The following WDR27 variants were observed in gnomAD, a reference collection of about 807,000 sequenced individuals.
The protein encoded by WDR27 is WD repeat domain 27, also known as WD repeat-containing protein 27.
WDR27 carries 100 observed loss-of-function variants against 114.4 expected under a neutral mutation model. The observed-to-expected ratio is 0.87, with a 90% CI of 0.74 to 1.03. WDR27 has a LOEUF of 1.03. WDR27 is among the 50% of genes least tolerant of loss of function. WDR27 has a pLI of 0.00. For synonymous variants in WDR27, 449 were observed against 423.1 expected, an observed-to-expected ratio of 1.06 and a Z score of -0.75; for missense variants, 1,129 against 1,092.9, an observed-to-expected ratio of 1.03 and a Z score of -0.47.
chr6:169,539,964 A>G (rs1348347720), intron 25 of WDR27, among the ~76,000 whole-genome samples: 1 of 152,128 alleles, frequency 6.6e-6, no homozygotes, highest in Admixed American at 6.5e-5. Flanking sequence ...ACCCACCTTC[A>G]CTTCTCACAT....
At chr6:169,641,218 G>A (rs569073444) in intron 17 of WDR27, among the ~76,000 whole-genome samples, 15 of 152,342 alleles carry the variant, frequency 9.8e-5, no homozygotes, top group Admixed American at 8.5e-4. Context: ...CTTGCCAAAG[G>A]TGGGATCCCC....
intron 4 of WDR27, chr6:169,669,664 T>C (rs551157800): frequency 1.3e-5 from 2 of 152,242 alleles, no homozygotes; most frequent in East Asian, 3.9e-4. Flanking sequence ...CACCAACATA[T>C]CCAGAAAGCT....
intron 25 of WDR27, among the ~76,000 whole-genome samples, chr6:169,526,137 TAGA>T (rs1487806670): frequency 1.3e-5 from 2 of 152,150 alleles, no homozygotes; most frequent in African/African-American, 2.4e-5. Flanking sequence ...TACCACTGGA[TAGA>T]AGAACTAAGA....
intron 21 of WDR27, among the ~76,000 whole-genome samples, chr6:169,622,669 A>G (rs1390775759): frequency 6.6e-6 from 1 of 152,244 alleles, no homozygotes; most frequent in Non-Finnish European, 1.5e-5. Flanking sequence ...AGCTATAAAA[A>G]CAGGAAACTT....
At position 169,651,187 on chromosome 6, in the gene WDR27, G is replaced by C. The variant is rs1435188131; in HGVS notation, c.1481+743C>G. Among the ~76,000 whole-genome samples, 39 of 109,360 alleles carry C rather than the reference G, an allele frequency of 3.6e-4. 10 individuals are homozygous for C. The East Asian group carries it at 0.014, about 41-fold the overall frequency. 71.7% of individuals were successfully genotyped at this position (109,360 alleles called of 152,430 possible). A position where few individuals can be genotyped will look rare whatever the true frequency, so the allele number is the denominator to read the frequency against. The stretch of plus-strand genomic sequence containing the variant: ...CTGGAGCACAGCAGTGCGGGGCGGG[G>C]GGGGGGAGTGGGGGAGTGGGGGAGT... On this transcript the variant is annotated intron_variant, in intron 14 of 25. Coordinates refer to ENST00000448612, the MANE Select transcript of WDR27 (RefSeq NM_182552.5).
chr6:169,536,655 T>C (rs909177636), intron 25 of WDR27, among the ~76,000 whole-genome samples: 1 of 152,196 alleles, frequency 6.6e-6, no homozygotes, highest in African/African-American at 2.4e-5. Flanking sequence ...AGAAGTTTTC[T>C]AGGCTCTGGG....
chr6:169,590,125 A>G (rs1805452682), intron 23 of WDR27, among the ~76,000 whole-genome samples: 1 of 152,246 alleles, frequency 6.6e-6, no homozygotes, highest in African/African-American at 2.4e-5. Context: ...CCGATTCATT[A>G]CAACTATTTT....
At chr6:169,523,196 C>T (rs77627156) in intron 25 of WDR27, among the ~76,000 whole-genome samples, 3,279 of 151,866 alleles carry the variant, frequency 0.022, 115 homozygotes, top group African/African-American at 0.075. Flanking sequence ...CTAGAAGAAA[C>T]GGATAAATTT....
intron 3 of WDR27, chr6:169,671,475 C>A (rs1158181309): frequency 6.6e-6 from 1 of 152,220 alleles, no homozygotes; most frequent in East Asian, 1.9e-4. Flanking sequence ...GATTTATAGT[C>A]TCTTTGCATT....
Position 169,457,240 on chromosome 6 carries a change from C to T in WDR27, c.*352G>A, listed in dbSNP as rs1333818807. The T allele has an allele frequency of 5.1e-6, 1 of 195,952 alleles. No individual in the cohort carries two copies. The highest frequency in any genetic ancestry group is 1.0e-5 in the Non-Finnish European group (1 of 95,514). The allele number at this position is 195,952 out of a possible 1,614,324, so 12.1% of individuals were successfully genotyped here. A position where few individuals can be genotyped will look rare whatever the true frequency, so the allele number is the denominator to read the frequency against. ...TGTTAACTGCTTTATTTTCACTGCC[C>T]AAAAGAAATTCTCTCTTTTTTCTTC... On this transcript the variant is annotated 3_prime_UTR_variant, in exon 26 of 26. Coordinates refer to ENST00000448612, the MANE Select transcript of WDR27 (RefSeq NM_182552.5).
chr6:169,688,120 T>C (rs1783508649), intron 2 of WDR27, among the ~76,000 whole-genome samples: 1 of 152,302 alleles, frequency 6.6e-6, no homozygotes, highest in Non-Finnish European at 1.5e-5. Flanking sequence ...TAATTCTACT[T>C]ATTACTCTAT....
chr6:169,551,220 CA>C (rs1798050998), intron 25 of WDR27, among the ~76,000 whole-genome samples: 1 of 152,114 alleles, frequency 6.6e-6, no homozygotes, highest in Non-Finnish European at 1.5e-5. Context: ...CTACAGTAAA[CA>C]AACTGATTTC....
chr6:169,500,065 C>T (rs1790941144), intron 25 of WDR27, among the ~76,000 whole-genome samples: 1 of 152,142 alleles, frequency 6.6e-6, no homozygotes, highest in Non-Finnish European at 1.5e-5. Flanking sequence ...CTGCAAAATG[C>T]GGGCTATTGT....
intron 4 of WDR27, 119 bp downstream of exon 4, chr6:169,670,450 T>G: frequency 8.8e-7 from 1 of 1,137,194 alleles, no homozygotes. Flanking sequence ...AAATTGAAGA[T>G]ATAGCTTAAA....
In WDR27 at chr6:169,596,328, C is replaced by T. The variant is rs1210364703; in HGVS notation, c.2424+5891G>A. Among the ~76,000 whole-genome samples, 4 of 151,946 alleles carry T rather than the reference C, an allele frequency of 2.6e-5. 1 individual carries two copies. Among genetic ancestry groups the T allele is most frequent in the Middle Eastern group, 6.4e-3 (2 of 314 alleles). Reference sequence around the variant, plus strand: ...TTTATCATTTTCTTTATTTACTTCTCTCATTTGTATCCTTTTTCCCTATTG... The same window carrying T: ...TTTATCATTTTCTTTATTTACTTCTTTCATTTGTATCCTTTTTCCCTATTG... On this transcript the variant is annotated intron_variant, in intron 23 of 25. Transcript: ENST00000448612.
chr6:169,634,864 A>G (rs973620005), intron 19 of WDR27, among the ~76,000 whole-genome samples: 1 of 152,158 alleles, frequency 6.6e-6, no homozygotes, highest in African/African-American at 2.4e-5. Context: ...CCCGCTACAT[A>G]TAACTGAAGA....
chr6:169,544,708 T>C (rs1219911000), intron 25 of WDR27, among the ~76,000 whole-genome samples: 1 of 152,230 alleles, frequency 6.6e-6, no homozygotes, highest in African/African-American at 2.4e-5. Context: ...GTGCTGGGAT[T>C]ACAGGTGTGA....
chr6:169,473,330 C>A (rs546807257), intron 25 of WDR27, among the ~76,000 whole-genome samples: 1 of 152,136 alleles, frequency 6.6e-6, no homozygotes, highest in Non-Finnish European at 1.5e-5. Context: ...GGGAAGGAGG[C>A]TCAGTTTCGG....
In WDR27 at chr6:169,659,146, G is replaced by T; in HGVS notation, c.1259C>A (p.Ala420Asp). The T allele has an allele frequency of 6.2e-7, 1 of 1,611,422 alleles. No individual in the cohort carries two copies. The highest frequency in any genetic ancestry group is 8.5e-7 in the Non-Finnish European group (1 of 1,178,772). ...GCACTGCTGAGCCCTGACTAGCGCG[G>T]CCGGGTTGATCTCCAACACGGCAAT... Reference protein sequence around the residue: ...GKIAVLEINPAALVRAQQCPS... With the variant: ...GKIAVLEINPDALVRAQQCPS... Residue 420 changes from alanine to aspartate, a missense_variant, in exon 12 of 26, where the codon GCC (alanine) becomes GAC (aspartate). Coordinates refer to ENST00000448612, the MANE Select transcript of WDR27 (RefSeq NM_182552.5). This position sits in a 1 kb window ranked among gnomAD's most constrained non-coding sequence, Gnocchi z 4.3.
Sources: gnomAD v4.1 joint callset for allele counts (sites outside exome capture counted in the v4.1 genomes callset) on GRCh38, gnomAD v4.1.1 for gene constraint, Gnocchi (gnomAD v3.1) non-coding constraint, MANE v1.5 for transcripts, NCBI Gene and HGNC (gene_info 2026-07-23, HGNC 2026-07-21) for gene names.